The following AFF1 variants were observed in gnomAD, a reference collection of about 807,000 sequenced individuals.
AFF1 encodes ALF transcription elongation factor 1.
In AFF1, 48 loss-of-function variants were observed where a neutral mutation model predicts 121.7. The ratio of observed to expected loss-of-function variants is 0.39; its 90% confidence interval spans 0.31 to 0.50. The LOEUF (loss-of-function observed/expected upper bound fraction) is 0.50. AFF1 is among the 20% of genes least tolerant of loss of function. AFF1 has a pLI of 0.76. For missense variants in AFF1, 1,523 were observed against 1,511.7 expected (o/e 1.01, Z -0.12); for synonymous variants, 613 against 563.0 (o/e 1.09, Z -1.26).
chr4:86,985,181 C>CTATATATAATATATA, intron 2 of AFF1, among the ~76,000 whole-genome samples: 1 of 96,498 alleles, frequency 1.0e-5, no homozygotes, highest in Admixed American at 1.1e-4. Context: ...ATATGTATTA[C>CTATATATAATATATA]TATATATATA....
chr4:86,984,277 G>A (rs984528963), intron 2 of AFF1, among the ~76,000 whole-genome samples: 3 of 150,424 alleles, frequency 2.0e-5, no homozygotes, highest in Admixed American at 1.3e-4. Flanking sequence ...ATTTTTCAAA[G>A]TGAGAACTGT....
intron 10 of AFF1, 34 bp downstream of exon 10, chr4:87,105,879 T>G (rs1725866381): frequency 6.2e-7 from 1 of 1,611,276 alleles, no homozygotes. Flanking sequence ...CTGTACAGAA[T>G]GTTTGCAATT....
intron 6 of AFF1, among the ~76,000 whole-genome samples, chr4:87,091,040 AAAAAG>A (rs1724249598): frequency 6.6e-6 from 1 of 151,574 alleles, no homozygotes; most frequent in Admixed American, 6.6e-5. Flanking sequence ...AAAAAAAAAA[AAAAAG>A]GTTCTATCTA....
chr4:87,095,690 A>C (rs1337877905), intron 8 of AFF1, among the ~76,000 whole-genome samples: 2 of 152,120 alleles, frequency 1.3e-5, no homozygotes, highest in Admixed American at 1.3e-4. Flanking sequence ...TTCTTTATTA[A>C]GGCCAGTAAG....
At position 87,137,720 on chromosome 4, in the gene AFF1, G is replaced by C. The variant is rs931364385; in HGVS notation, c.*2019G>C. 3.9e-5 allele frequency: 9 copies of C among 232,496 alleles called. No homozygotes were observed. Among genetic ancestry groups the C allele is most frequent in the Non-Finnish European group, 6.8e-5 (8 of 117,666 alleles). 14.4% of individuals were successfully genotyped at this position (232,496 alleles called of 1,614,324 possible). A position where few individuals can be genotyped will look rare whatever the true frequency, so the allele number is the denominator to read the frequency against. ...TGTGTGTAGCATTGTGTGTCCATCT[G>C]TTATATGTAAAGGACAAGGCACCAG... On this transcript the variant is annotated 3_prime_UTR_variant, in exon 21 of 21. Coordinates refer to ENST00000395146, the MANE Select transcript of AFF1 (RefSeq NM_001166693.3).
chr4:86,985,203 A>ATG (rs1553912850), intron 2 of AFF1, among the ~76,000 whole-genome samples: 16 of 134,358 alleles, frequency 1.2e-4, no homozygotes, highest in African/African-American at 4.3e-4. Context: ...ATATATATAT[A>ATG]TATATATATA....
chr4:87,098,838 C>T (rs1048183826), intron 8 of AFF1, among the ~76,000 whole-genome samples: 2 of 152,138 alleles, frequency 1.3e-5, no homozygotes, highest in African/African-American at 4.8e-5. Context: ...GATTGTCCCT[C>T]GAGTTGGATG....
rs1560618580 is a variant in AFF1 at position 87,094,343 on chromosome 4, T to C, written c.1229-572T>C. Among the ~76,000 whole-genome samples the C allele has an allele frequency of 2.6e-5, 4 of 152,218 alleles. No individual in the cohort carries two copies. In the South Asian group the frequency reaches 6.2e-4, roughly 24 times the overall value. On this transcript the variant is annotated intron_variant, in intron 7 of 20. Coordinates refer to ENST00000395146, the MANE Select transcript of AFF1 (RefSeq NM_001166693.3). ...ATCTCACAGTGCCTTGGATTATAGA[T>C]ATTTATGGACCCGTTTCATGTCCCT...
intron 5 of AFF1, among the ~76,000 whole-genome samples, chr4:87,088,752 G>T (rs989327104): frequency 4.0e-5 from 6 of 148,750 alleles, no homozygotes; most frequent in African/African-American, 1.5e-4. Context: ...GTACCACCAT[G>T]CCCGGCTCAT....
chr4:87,007,661 A>G (rs181277093), intron 2 of AFF1, among the ~76,000 whole-genome samples: 1 of 152,302 alleles, frequency 6.6e-6, no homozygotes, highest in East Asian at 1.9e-4. Context: ...GATTAAAGTT[A>G]GATAGCCCCC....
intron 11 of AFF1, among the ~76,000 whole-genome samples, chr4:87,110,509 C>G (rs935706624): frequency 6.6e-6 from 1 of 151,162 alleles, no homozygotes; most frequent in Non-Finnish European, 1.5e-5. Flanking sequence ...AACCATCCCC[C>G]CACCCCCTAC....
At chr4:86,979,630 G>C (rs1199680809) in intron 2 of AFF1, among the ~76,000 whole-genome samples, 1 of 152,134 alleles carries the variant, frequency 6.6e-6, no homozygotes, top group Non-Finnish European at 1.5e-5. Flanking sequence ...ACTTTTAAAT[G>C]CTCCTTTAAT....
intron 11 of AFF1, among the ~76,000 whole-genome samples, chr4:87,113,519 T>C (rs1429219733): frequency 2.0e-5 from 3 of 152,170 alleles, no homozygotes; most frequent in Non-Finnish European, 4.4e-5. Flanking sequence ...AATTCTCCTG[T>C]CTTGGCCTCC....
intron 2 of AFF1, among the ~76,000 whole-genome samples, chr4:86,995,287 TCC>T (rs1725041704): frequency 1.5e-5 from 1 of 65,230 alleles, no homozygotes; most frequent in Non-Finnish European, 2.8e-5. Context: ...CCCCTCTCCC[TCC>T]CCCTCTCCCT....
intron 2 of AFF1, among the ~76,000 whole-genome samples, chr4:87,025,971 T>C (rs340644): frequency 0.94 from 142,178 of 152,004 alleles, 66,854 homozygotes; most frequent in Non-Finnish European, 0.98. Flanking sequence ...CTCACCACCA[T>C]GTTTAGTGAG....
At chr4:87,111,133 G>T (rs1337831066) in intron 11 of AFF1, among the ~76,000 whole-genome samples, 1 of 81,820 alleles carries the variant, frequency 1.2e-5, no homozygotes, top group African/African-American at 4.2e-5. Context: ...TCAGCCTCCC[G>T]AGTAGCTGGG....
At chr4:87,074,357 C>G (rs1043578738) in intron 4 of AFF1, among the ~76,000 whole-genome samples, 1 of 151,900 alleles carries the variant, frequency 6.6e-6, no homozygotes, top group African/African-American at 2.4e-5. Context: ...TCATTCATGG[C>G]TGCTGTGCCC....
rs1392340560 is a variant in AFF1, at chr4:86,964,492, A to G, written c.38+15921A>G. ...CTCTTGTTGCCCAGGCTGGAGTGCA[A>G]TGGTGCAACCTCTGCTCACCACAAC... On this transcript the variant is annotated intron_variant, in intron 2 of 20. Transcript: ENST00000395146. Among the ~76,000 whole-genome samples, 6 of 148,764 alleles carry G rather than the reference A, an allele frequency of 4.0e-5. No individual in the cohort carries two copies. The South Asian group carries it at 6.3e-4, about 16-fold the overall frequency.
chr4:86,964,818 C>T (rs1722422511), intron 2 of AFF1, among the ~76,000 whole-genome samples: 1 of 152,176 alleles, frequency 6.6e-6, no homozygotes, highest in Non-Finnish European at 1.5e-5. Flanking sequence ...TGTATGGTTT[C>T]TCTCTCCTGA....
Sources: gnomAD v4.1 joint callset for allele counts (sites outside exome capture counted in the v4.1 genomes callset) on GRCh38, gnomAD v4.1.1 for gene constraint, MANE v1.5 for transcripts, NCBI Gene and HGNC (gene_info 2026-07-23, HGNC 2026-07-21) for gene names.